The following EYS variants were observed in gnomAD, a reference collection of about 807,000 sequenced individuals.
The protein encoded by EYS is EGF-like photoreceptor maintenance factor, also known as protein eyes shut homolog.
A neutral mutation model predicts 282.1 loss-of-function variants in EYS; 250 were observed. The observed-to-expected ratio is 0.89, with a 90% CI of 0.80 to 0.98. The LOEUF (loss-of-function observed/expected upper bound fraction) is 0.98. Among genes scored for constraint, EYS ranks in the 50% least tolerant of loss-of-function variants. The probability of loss-of-function intolerance (pLI) is 0.00; values close to 1 mark genes in which losing one functional copy is unlikely to be tolerated. For synonymous variants in EYS, 1,355 were observed against 1,282.9 expected (o/e 1.06, Z -1.20); for missense variants, 4,016 against 3,709.0 (o/e 1.08, Z -2.15).
chr6:64,687,244 T>C (rs889189343), intron 22 of EYS, among the ~76,000 whole-genome samples: 1 of 152,008 alleles, frequency 6.6e-6, no homozygotes, highest in Admixed American at 6.6e-5. Context: ...TAAGAAAATA[T>C]GATTACAAAC....
chr6:63,819,022 T>C (rs1239984939), intron 36 of EYS, among the ~76,000 whole-genome samples: 5 of 152,250 alleles, frequency 3.3e-5, no homozygotes, highest in Admixed American at 3.3e-4. Flanking sequence ...TTTTTGTTTT[T>C]CCATAGCACT....
chr6:63,794,058 G>T (rs1043041317), intron 37 of EYS, among the ~76,000 whole-genome samples: 9 of 152,220 alleles, frequency 5.9e-5, no homozygotes, highest in Admixed American at 2.6e-4. Context: ...AAGTCTGACT[G>T]TGGTTGTGCC....
chr6:65,423,098 T>C (rs1767527726), intron 5 of EYS, among the ~76,000 whole-genome samples: 1 of 151,798 alleles, frequency 6.6e-6, no homozygotes, highest in Admixed American at 6.6e-5. Context: ...ATAGAGAATA[T>C]ACTGCATAAT....
chr6:64,079,062 C>T (rs1035735304), intron 32 of EYS, among the ~76,000 whole-genome samples: 1 of 152,148 alleles, frequency 6.6e-6, no homozygotes, highest in African/African-American at 2.4e-5. Context: ...TAGAAAATCA[C>T]TTTTCTTTGT....
intron 28 of EYS, among the ~76,000 whole-genome samples, chr6:64,412,220 T>C (rs1350703811): frequency 1.3e-5 from 2 of 152,090 alleles, no homozygotes; most frequent in African/African-American, 4.8e-5. Flanking sequence ...ATTTTATATT[T>C]GTTTTATATT....
chr6:64,851,049 A>T lies in EYS; in HGVS notation c.2993-28227T>A, dbSNP rs547207777. On this transcript the variant is annotated intron_variant, in intron 19 of 42. Coordinates refer to ENST00000503581, the MANE Select transcript of EYS (RefSeq NM_001142800.2). The stretch of plus-strand genomic sequence containing the variant: ...ATTGTGGTGGTTTGGCAGTATTTAA[A>T]ATGAGATATCAATTAGCATATTTAA... 2.0e-5 allele frequency among the ~76,000 whole-genome samples: 3 copies of T among 152,222 alleles called. No homozygotes were observed. In the South Asian group the frequency reaches 6.2e-4, roughly 32 times the overall value.
At chr6:65,124,730 G>A (rs1775668943) in intron 12 of EYS, among the ~76,000 whole-genome samples, 1 of 152,066 alleles carries the variant, frequency 6.6e-6, no homozygotes, top group Non-Finnish European at 1.5e-5. Context: ...AACTAACACT[G>A]ACCTAGAACT....
chr6:65,178,856 A>G (rs1188990496), intron 12 of EYS, among the ~76,000 whole-genome samples: 2 of 152,064 alleles, frequency 1.3e-5, no homozygotes, highest in Non-Finnish European at 2.9e-5. Context: ...ATTATAACAA[A>G]CTGTCTCTCA....
At chr6:64,467,071 C>T (rs1363754397) in intron 26 of EYS, among the ~76,000 whole-genome samples, 1 of 152,034 alleles carries the variant, frequency 6.6e-6, no homozygotes, top group Admixed American at 6.6e-5. Context: ...AGCAATTAAT[C>T]CAGTCAAATA....
At chr6:65,473,858 A>T in intron 5 of EYS, among the ~76,000 whole-genome samples, 1 of 151,820 alleles carries the variant, frequency 6.6e-6, no homozygotes, top group Non-Finnish European at 1.5e-5. Context: ...AAAAAAAAAA[A>T]AAAGGAAATG....
chr6:64,656,621 C>T (rs1020277773), intron 22 of EYS, among the ~76,000 whole-genome samples: 27 of 152,120 alleles, frequency 1.8e-4, no homozygotes, highest in African/African-American at 6.5e-4. Flanking sequence ...CCCTAGGAAA[C>T]TCTGATCAAC....
At chr6:64,232,769 T>C (rs1766465679) in intron 30 of EYS, among the ~76,000 whole-genome samples, 1 of 152,210 alleles carries the variant, frequency 6.6e-6, no homozygotes, top group East Asian at 1.9e-4. Flanking sequence ...CTCCATTATG[T>C]AACTCTTTAG....
intron 32 of EYS, among the ~76,000 whole-genome samples, chr6:64,071,567 A>G (rs1456489020): frequency 8.1e-6 from 1 of 123,036 alleles, no homozygotes; most frequent in Non-Finnish European, 1.6e-5. Flanking sequence ...ATTATACTTT[A>G]ACAAAGAAAA....
intron 26 of EYS, among the ~76,000 whole-genome samples, chr6:64,573,491 A>C (rs1338555744): frequency 6.6e-6 from 1 of 152,218 alleles, no homozygotes; most frequent in East Asian, 1.9e-4. Context: ...GTGAACAGGT[A>C]ACCTACAAAA....
intron 28 of EYS, among the ~76,000 whole-genome samples, chr6:64,405,676 C>T (rs1773684225): frequency 6.6e-6 from 1 of 152,068 alleles, no homozygotes; most frequent in Non-Finnish European, 1.5e-5. Flanking sequence ...CATTCCTATA[C>T]ACCAATAACA....
intron 19 of EYS, among the ~76,000 whole-genome samples, chr6:64,869,921 TTGAC>T (rs1330688525): frequency 6.6e-6 from 1 of 151,438 alleles, no homozygotes; most frequent in Non-Finnish European, 1.5e-5. Context: ...AGTAAGGAGG[TTGAC>T]TGAGAATATC....
In EYS at chr6:65,582,198, C is replaced by CAAATAAATAAAT. The variant is rs3049810; in HGVS notation, c.-333+57568_-333+57579dup. Among the ~76,000 whole-genome samples the CAAATAAATAAAT allele has an allele frequency of 6.4e-3, 912 of 143,262 alleles. 1 individual carries two copies. The highest frequency in any genetic ancestry group is 0.018 in the East Asian group (88 of 4,806). The allele number at this position is 143,262 out of a possible 152,430, so 94.0% of individuals were successfully genotyped here. A position where few individuals can be genotyped will look rare whatever the true frequency, so the allele number is the denominator to read the frequency against. On this transcript the variant is annotated intron_variant, in intron 2 of 42. Transcript: ENST00000503581. ...TCGACAGAGTGAGACTCCATCTCAA[C>CAAATAAATAAAT]AAATAAATAAATAAATAAATAAATA...
chr6:64,194,247 T>C (rs1765210009), intron 31 of EYS, among the ~76,000 whole-genome samples: 2 of 152,154 alleles, frequency 1.3e-5, no homozygotes, highest in African/African-American at 4.8e-5. Flanking sequence ...CCTTGTTCTT[T>C]ATATTCAAGA....
intron 12 of EYS, among the ~76,000 whole-genome samples, chr6:65,161,877 A>AT (rs140092550): frequency 0.027 from 4,036 of 151,264 alleles, 139 homozygotes; most frequent in African/African-American, 0.08. Context: ...TAGGTCAAAC[A>AT]TTCTAAAATC....
Sources: gnomAD v4.1 joint callset for allele counts (sites outside exome capture counted in the v4.1 genomes callset) on GRCh38, gnomAD v4.1.1 for gene constraint, MANE v1.5 for transcripts, NCBI Gene and HGNC (gene_info 2026-07-23, HGNC 2026-07-21) for gene names.